The following HGF variants were observed in gnomAD, a reference collection of about 807,000 sequenced individuals.
HGF encodes the protein fibroblast-derived tumor cytotoxic factor.
HGF carries 39 observed loss-of-function variants against 111.6 expected under a neutral mutation model. The observed-to-expected ratio is 0.35, with a 90% CI of 0.27 to 0.46. HGF has a LOEUF of 0.46. HGF is among the 20% of genes least tolerant of loss of function. The probability of loss-of-function intolerance (pLI) is 1.00; values close to 1 mark genes in which losing one functional copy is unlikely to be tolerated. For missense variants in HGF, 735 were observed against 910.5 expected (o/e 0.81, Z 2.48); for synonymous variants, 285 against 294.8 (o/e 0.97, Z 0.34).
At chr7:81,754,526 A>C (rs1276948251) in intron 4 of HGF, among the ~76,000 whole-genome samples, 1 of 151,996 alleles carries the variant, frequency 6.6e-6, no homozygotes, top group Non-Finnish European at 1.5e-5. Context: ...AGAAATCAAA[A>C]GTAGATATGG....
In HGF at chr7:81,728,109, G is replaced by A. The variant is rs147147014; in HGVS notation, c.1040+1496C>T. On this transcript the variant is annotated intron_variant, in intron 8 of 17. Transcript: ENST00000222390. ...TTTAATAGAGACACGTGACCAGTAC[G>A]CCCCCTCACTACTGGATCACAAATA... Among the ~76,000 whole-genome samples, 1,211 of 152,232 alleles carry A rather than the reference G, an allele frequency of 8.0e-3. 14 individuals carry two copies. The highest frequency in any genetic ancestry group is 8.4e-3 in the Non-Finnish European group (573 of 68,000).
chr7:81,758,585 T>C lies in HGF; in HGVS notation c.367+107A>G, dbSNP rs1453750847. Reference sequence around the variant, plus strand: ...TGAATTGACTACATAAAATATCTCATATATAGTAGAAAAATCAGTGAGAAA... The same window carrying C: ...TGAATTGACTACATAAAATATCTCACATATAGTAGAAAAATCAGTGAGAAA... On this transcript the variant is annotated intron_variant, in intron 3 of 17. Coordinates refer to ENST00000222390, the MANE Select transcript of HGF (RefSeq NM_000601.6). 4.1e-6 allele frequency: 3 copies of C among 729,328 alleles called. No individual in the cohort carries two copies. In the East Asian group the frequency reaches 7.9e-5, roughly 19 times the overall value. 45.2% of individuals were successfully genotyped at this position (729,328 alleles called of 1,614,324 possible).
At position 81,707,204 on chromosome 7, in the gene HGF, G is replaced by A. The variant is rs1335040874; in HGVS notation, c.1616+86C>T. 6.5e-6 allele frequency: 5 copies of A among 771,782 alleles called. No homozygotes were observed. In the Admixed American group the frequency reaches 9.8e-5, roughly 15 times the overall value. 47.8% of individuals were successfully genotyped at this position (771,782 alleles called of 1,614,324 possible). A position where few individuals can be genotyped will look rare whatever the true frequency, so the allele number is the denominator to read the frequency against. ...CCCCATTTGTGAATCTCTGTAAAAT[G>A]AATACATATTATAACCTTAAGAGCA... On this transcript the variant is annotated intron_variant, in intron 14 of 17. Coordinates refer to ENST00000222390, the MANE Select transcript of HGF (RefSeq NM_000601.6).
At chr7:81,721,128 TC>T (rs1789847963) in intron 9 of HGF, among the ~76,000 whole-genome samples, 1 of 152,116 alleles carries the variant, frequency 6.6e-6, no homozygotes. Context: ...GCGCCTGTAG[TC>T]CCAGCTACTC....
In HGF at chr7:81,769,328, C is replaced by A. The variant is rs76161861; in HGVS notation, c.88+556G>T. Among the ~76,000 whole-genome samples the A allele has an allele frequency of 6.0e-3, 912 of 152,258 alleles. 10 individuals are homozygous for A. Among genetic ancestry groups the A allele is most frequent in the South Asian group, 0.046 (220 of 4,824 alleles). The stretch of plus-strand genomic sequence containing the variant: ...CATCCGTACCCAGAAAGAATAAGAT[C>A]TTTAAAAAGAGGCTTTCTCTTTCAT... On this transcript the variant is annotated intron_variant, in intron 1 of 17. Coordinates refer to ENST00000222390, the MANE Select transcript of HGF (RefSeq NM_000601.6).
At chr7:81,746,074 A>G (rs1427796348) in intron 5 of HGF, among the ~76,000 whole-genome samples, 2 of 152,254 alleles carry the variant, frequency 1.3e-5, no homozygotes, top group African/African-American at 4.8e-5. Flanking sequence ...GGGAAGAGGC[A>G]TCAATGTTTA....
chr7:81,734,395 C>T (rs2115957037), intron 7 of HGF, among the ~76,000 whole-genome samples: 1 of 152,222 alleles, frequency 6.6e-6, no homozygotes, highest in East Asian at 1.9e-4. Context: ...ACAACATTTG[C>T]TATCGAAATT....
At chr7:81,705,883 A>C in intron 15 of HGF, 130 bp from the exon 16 acceptor site, 2 of 672,194 alleles carry the variant, frequency 3.0e-6, no homozygotes, top group East Asian at 5.4e-5. Flanking sequence ...AAAAAAAAAA[A>C]AAAAGGTGGG....
At chr7:81,760,223 A>T in intron 2 of HGF, among the ~76,000 whole-genome samples, 1 of 152,062 alleles carries the variant, frequency 6.6e-6, no homozygotes, top group East Asian at 1.9e-4. Context: ...TCTATTTCCT[A>T]TTTGTTGATG....
chr7:81,730,243 G>A (rs1228109088), intron 7 of HGF, among the ~76,000 whole-genome samples: 1 of 152,098 alleles, frequency 6.6e-6, no homozygotes, highest in Non-Finnish European at 1.5e-5. Context: ...GAGGTCAGGA[G>A]TTTAAGACCA....
chr7:81,744,902 G>A, intron 6 of HGF, 98 bp downstream of exon 6: 3 of 1,334,702 alleles, frequency 2.2e-6, no homozygotes, highest in Middle Eastern at 2.0e-4. Context: ...GTCCTATCGG[G>A]AAAACATAAT....
chr7:81,730,484 T>C (rs1387379013), intron 7 of HGF, among the ~76,000 whole-genome samples: 4 of 151,944 alleles, frequency 2.6e-5, no homozygotes, highest in Admixed American at 1.3e-4. Context: ...ATAAATAAAT[T>C]CTAAGCTAAC....
At chr7:81,757,409 T>C (rs1279167283) in intron 3 of HGF, 106 bp from the exon 4 acceptor site, 1 of 684,164 alleles carries the variant, frequency 1.5e-6, no homozygotes, top group African/African-American at 1.8e-5. Flanking sequence ...TGTAAACTAT[T>C]TCAAATAACA....
At chr7:81,739,966 C>T (rs1287915349) in intron 7 of HGF, among the ~76,000 whole-genome samples, 4 of 152,052 alleles carry the variant, frequency 2.6e-5, no homozygotes, top group African/African-American at 9.7e-5. Context: ...TGTTTTTACC[C>T]CATACCCTAC....
At chr7:81,762,405 A>C (rs1789130742) in intron 2 of HGF, among the ~76,000 whole-genome samples, 1 of 152,196 alleles carries the variant, frequency 6.6e-6, no homozygotes, top group African/African-American at 2.4e-5. Flanking sequence ...ATATTTTAAA[A>C]CCCAAAGCCA....
Position 81,710,135 on chromosome 7 carries a change from A to G in HGF, c.1541+12T>C. On this transcript the variant is annotated intron_variant, in intron 13 of 17. Coordinates refer to ENST00000222390, the MANE Select transcript of HGF (RefSeq NM_000601.6). ...TTCTGGATATGCATGACTTGCATCT[A>G]TTAATAATTACCTGTATCTCAAACT... The G allele has an allele frequency of 1.3e-6, 2 of 1,501,060 alleles. No individual in the cohort carries two copies. Among genetic ancestry groups the G allele is most frequent in the South Asian group, 2.3e-5 (2 of 88,820 alleles). 93.0% of individuals were successfully genotyped at this position (1,501,060 alleles called of 1,614,324 possible).
chr7:81,724,369 G>A (rs1451006100), intron 9 of HGF, among the ~76,000 whole-genome samples: 1 of 152,134 alleles, frequency 6.6e-6, no homozygotes, highest in Non-Finnish European at 1.5e-5. Context: ...TAGGGCAGTA[G>A]GTCTATGAGA....
intron 10 of HGF, among the ~76,000 whole-genome samples, chr7:81,720,347 A>G (rs1381772904): frequency 1.3e-5 from 2 of 152,218 alleles, no homozygotes; most frequent in Admixed American, 1.3e-4. Flanking sequence ...GAAAACAATA[A>G]TCCCATAACA....
intron 5 of HGF, among the ~76,000 whole-genome samples, chr7:81,745,403 G>T (rs1788198469): frequency 6.6e-6 from 1 of 152,118 alleles, no homozygotes; most frequent in Admixed American, 6.6e-5. Flanking sequence ...TGTCTCAAAG[G>T]TATCTAGAAA....
Sources: allele counts gnomAD v4.1 joint callset (sites outside exome capture counted in the v4.1 genomes callset), GRCh38; gene constraint gnomAD v4.1.1; transcripts MANE v1.5; gene names NCBI Gene and HGNC (gene_info 2026-07-23, HGNC 2026-07-21).